The following CNTN4 variants were observed in gnomAD, a reference collection of about 807,000 sequenced individuals.
The protein encoded by CNTN4 is contactin 4.
A neutral mutation model predicts 122.5 loss-of-function variants in CNTN4; 77 were observed. The ratio of observed to expected loss-of-function variants is 0.63; its 90% confidence interval spans 0.52 to 0.76. The LOEUF is 0.76. Ranked by LOEUF, CNTN4 falls within the 30% of genes least tolerant of loss-of-function variation. The pLI, the probability that CNTN4 is intolerant of heterozygous loss-of-function variation, is 0.00. For synonymous variants in CNTN4, 512 were observed against 447.0 expected, an observed-to-expected ratio of 1.15 and a Z score of -1.83; for missense variants, 1,256 against 1,259.1, an observed-to-expected ratio of 1.00 and a Z score of 0.04.
intron 2 of CNTN4, among the ~76,000 whole-genome samples, chr3:2,207,577 G>A (rs1153539): frequency 6.6e-6 from 1 of 151,950 alleles, no homozygotes; most frequent in East Asian, 1.9e-4. Flanking sequence ...CAGGAACGAA[G>A]TGTCTAAAAT....
chr3:2,731,445 G>A (rs987876527), intron 4 of CNTN4, among the ~76,000 whole-genome samples: 2 of 152,104 alleles, frequency 1.3e-5, no homozygotes, highest in African/African-American at 4.8e-5. Flanking sequence ...ACAAACTCAG[G>A]AAATCATGAA....
At chr3:2,652,472 G>A (rs978302787) in intron 4 of CNTN4, among the ~76,000 whole-genome samples, 5 of 152,188 alleles carry the variant, frequency 3.3e-5, no homozygotes, top group Non-Finnish European at 7.3e-5. Context: ...GATAATGAAA[G>A]GGGACTGCTG....
At chr3:2,798,087 T>C (rs9817519) in intron 6 of CNTN4, among the ~76,000 whole-genome samples, 137,855 of 147,322 alleles carry the variant, frequency 0.94, 65,229 homozygotes, top group East Asian at 1. Context: ...TCCCACTCTT[T>C]CAACTCTCCA....
intron 4 of CNTN4, among the ~76,000 whole-genome samples, chr3:2,643,884 A>C (rs2150135884): frequency 6.6e-6 from 1 of 152,262 alleles, no homozygotes; most frequent in East Asian, 1.9e-4. Context: ...CTTCTCTGGC[A>C]GCTGCTTCCT....
intron 3 of CNTN4, among the ~76,000 whole-genome samples, chr3:2,459,367 TA>T (rs1453060777): frequency 2.6e-5 from 4 of 152,044 alleles, no homozygotes. Context: ...CAGAAGACAG[TA>T]AAAACGAACT....
chr3:2,441,686 G>C (rs939047020), intron 3 of CNTN4, among the ~76,000 whole-genome samples: 3 of 152,116 alleles, frequency 2.0e-5, no homozygotes, highest in Admixed American at 6.6e-5. Flanking sequence ...GTGACTAATT[G>C]CTGGTAATTG....
At chr3:2,137,902 T>C (rs865909741) in intron 2 of CNTN4, among the ~76,000 whole-genome samples, 3 of 152,106 alleles carry the variant, frequency 2.0e-5, no homozygotes, top group African/African-American at 7.2e-5. Flanking sequence ...CTCCTTAATA[T>C]CTGCTTCCTT....
At chr3:2,294,570 G>T (rs1293320784) in intron 2 of CNTN4, among the ~76,000 whole-genome samples, 2 of 152,146 alleles carry the variant, frequency 1.3e-5, no homozygotes, top group African/African-American at 4.8e-5. Flanking sequence ...GGCAGATGTT[G>T]CAGTGAGCCG....
chr3:2,474,122 C>T (rs2075772673), intron 3 of CNTN4, among the ~76,000 whole-genome samples: 1 of 152,104 alleles, frequency 6.6e-6, no homozygotes, highest in African/African-American at 2.4e-5. Flanking sequence ...TTTCTTGCCA[C>T]CTCACTAGCC....
At chr3:3,024,327 G>T (rs1176771789) in intron 14 of CNTN4, among the ~76,000 whole-genome samples, 2 of 148,508 alleles carry the variant, frequency 1.3e-5, no homozygotes, top group Non-Finnish European at 3.0e-5. Context: ...AAGTCAAAAT[G>T]GGGCTATTCC....
At chr3:2,195,016 A>C (rs540513867) in intron 2 of CNTN4, among the ~76,000 whole-genome samples, 1 of 152,130 alleles carries the variant, frequency 6.6e-6, no homozygotes, top group South Asian at 2.1e-4. Flanking sequence ...CTCAAAACCT[A>C]TTCTTCCTCC....
At chr3:2,262,772 A>T (rs141344131) in intron 2 of CNTN4, among the ~76,000 whole-genome samples, 4 of 152,128 alleles carry the variant, frequency 2.6e-5, no homozygotes, top group Admixed American at 1.3e-4. Context: ...CAGAAAATTC[A>T]TAAGATCAGG....
chr3:2,792,648 G>A (rs112592098), intron 6 of CNTN4, among the ~76,000 whole-genome samples: 6 of 152,166 alleles, frequency 3.9e-5, no homozygotes, highest in Admixed American at 3.3e-4. Flanking sequence ...TACAGAAACC[G>A]TCTTGCTAAC....
chr3:2,255,760 T>A (rs1207958350), intron 2 of CNTN4, among the ~76,000 whole-genome samples: 1 of 152,206 alleles, frequency 6.6e-6, no homozygotes, highest in East Asian at 1.9e-4. Flanking sequence ...GACACTTATG[T>A]ACCAGAATTT....
chr3:2,621,359 C>T (rs1174526604), intron 4 of CNTN4, among the ~76,000 whole-genome samples: 1 of 152,154 alleles, frequency 6.6e-6, no homozygotes, highest in East Asian at 1.9e-4. Context: ...TTTGTGATAA[C>T]ACCTGGAGAG....
Position 2,251,761 on chromosome 3 carries a change from A to G in CNTN4, c.-144-87417A>G, listed in dbSNP as rs2040387917. On this transcript the variant is annotated intron_variant, in intron 2 of 24. Coordinates refer to ENST00000418658, the MANE Select transcript of CNTN4 (RefSeq NM_175607.3). ...TTAATTCACAATACATTATGTAGGT[A>G]GGTTTTTTTTTCTGTACATTACACA... Among the ~76,000 whole-genome samples, 6 of 151,816 alleles carry G rather than the reference A, an allele frequency of 4.0e-5. No homozygotes were observed. The South Asian group carries it at 1.2e-3, about 32-fold the overall frequency.
chr3:2,170,066 A>T (rs185104218), intron 2 of CNTN4, among the ~76,000 whole-genome samples: 1 of 152,076 alleles, frequency 6.6e-6, no homozygotes, highest in South Asian at 2.1e-4. Flanking sequence ...TCACGCCTGT[A>T]ATCCCAGCAC....
intron 2 of CNTN4, among the ~76,000 whole-genome samples, chr3:2,114,139 A>G (rs758695154): frequency 8.5e-5 from 13 of 152,090 alleles, no homozygotes; most frequent in Non-Finnish European, 1.5e-4. Context: ...GAATTTTCAG[A>G]TTGGGTTTGG....
intron 2 of CNTN4, among the ~76,000 whole-genome samples, chr3:2,174,122 C>A (rs917143856): frequency 6.6e-6 from 1 of 152,132 alleles, no homozygotes; most frequent in Non-Finnish European, 1.5e-5. Context: ...GGCCCACATT[C>A]ATTTATTTTT....
Sources: gnomAD v4.1 joint callset for allele counts (sites outside exome capture counted in the v4.1 genomes callset) on GRCh38, gnomAD v4.1.1 for gene constraint, MANE v1.5 for transcripts, NCBI Gene and HGNC (gene_info 2026-07-23, HGNC 2026-07-21) for gene names.